The following CDH13 variants were observed in gnomAD, a reference collection of about 807,000 sequenced individuals.
The protein encoded by CDH13 is cadherin 13, also known as cadherin-13.
A neutral mutation model predicts 63.8 loss-of-function variants in CDH13; 24 were observed. That is an observed-to-expected ratio of 0.38 (90% CI 0.27 to 0.53). The LOEUF (loss-of-function observed/expected upper bound fraction) is 0.53. Ranked by LOEUF, CDH13 falls within the 20% of genes least tolerant of loss-of-function variation. The pLI is 0.85. For synonymous variants in CDH13, 503 were observed against 355.3 expected, an observed-to-expected ratio of 1.42 and a Z score of -4.67; for missense variants, 1,049 against 903.1, an observed-to-expected ratio of 1.16 and a Z score of -2.07.
chr16:83,781,423 C>A (rs2151009569), intron 12 of CDH13, among the ~76,000 whole-genome samples: 1 of 152,292 alleles, frequency 6.6e-6, no homozygotes, highest in Non-Finnish European at 1.5e-5. Flanking sequence ...AGTGGTAGAA[C>A]TTTTGAGGGA....
At chr16:83,318,521 C>G (rs1211174747) in intron 5 of CDH13, among the ~76,000 whole-genome samples, 1 of 152,200 alleles carries the variant, frequency 6.6e-6, no homozygotes, top group African/African-American at 2.4e-5. Context: ...AAACCTGATT[C>G]TGTCTGCTAC....
intron 4 of CDH13, among the ~76,000 whole-genome samples, chr16:83,152,888 C>T (rs574830724): frequency 7.9e-5 from 12 of 152,152 alleles, no homozygotes; most frequent in South Asian, 4.2e-4. Flanking sequence ...AGGAAAAATA[C>T]GGACATAGAC....
chr16:83,718,213 C>T (rs77079294), intron 10 of CDH13, among the ~76,000 whole-genome samples: 3 of 152,124 alleles, frequency 2.0e-5, no homozygotes, highest in Non-Finnish European at 4.4e-5. Context: ...CACCACTATG[C>T]GTACAGGAGC....
chr16:82,815,291 G>A (rs1032115059), intron 1 of CDH13, among the ~76,000 whole-genome samples: 1 of 152,106 alleles, frequency 6.6e-6, no homozygotes, highest in African/African-American at 2.4e-5. Flanking sequence ...CTCCACCCAT[G>A]ACTAGTCACA....
intron 7 of CDH13, among the ~76,000 whole-genome samples, chr16:83,533,133 C>G (rs528242172): frequency 6.6e-6 from 1 of 152,336 alleles, no homozygotes; most frequent in East Asian, 1.9e-4. Context: ...GAGCGAGATG[C>G]TAACTCTGTC....
intron 1 of CDH13, among the ~76,000 whole-genome samples, chr16:82,677,576 G>A (rs1914077518): frequency 6.7e-6 from 1 of 149,710 alleles, no homozygotes; most frequent in South Asian, 2.1e-4. Context: ...GATAGGATTA[G>A]GTTCTTTCAA....
intron 5 of CDH13, among the ~76,000 whole-genome samples, chr16:83,249,867 G>A (rs1403226245): frequency 1.3e-5 from 2 of 152,174 alleles, no homozygotes; most frequent in Non-Finnish European, 2.9e-5. Context: ...CCAGTTTTCT[G>A]TTTGGATGAT....
At position 83,486,635 on chromosome 16, in the gene CDH13, C is replaced by A. The variant is rs769902443; in HGVS notation, c.940C>A (p.Pro314Thr). The part of the protein sequence containing the change: ...EKGDIVTVVS[P>T]ALLDRETLEN... ...AGGAGACATTGTCACTGTTGTGTCA[C>A]CTGCGCTGCTGGACCGAGAGGTGAG... is the stretch of plus-strand genomic sequence containing the variant. The change falls in exon 7 of 14, where the codon CCT (proline) becomes ACT (threonine). Residue 314 changes from proline (P) to threonine (T), a missense_variant. Transcript: ENST00000567109. The A allele has an allele frequency of 2.5e-6, 4 of 1,613,842 alleles. No individual in the cohort carries two copies. Among genetic ancestry groups the A allele is most frequent in the Non-Finnish European group, 3.4e-6 (4 of 1,179,786 alleles).
intron 1 of CDH13, among the ~76,000 whole-genome samples, chr16:82,790,524 AC>A (rs2036248665): frequency 6.6e-6 from 1 of 152,212 alleles, no homozygotes; most frequent in Non-Finnish European, 1.5e-5. Flanking sequence ...TAATAGACAT[AC>A]AAAAAAATTA....
At chr16:82,684,931 G>A (rs542852080) in intron 1 of CDH13, among the ~76,000 whole-genome samples, 10 of 151,092 alleles carry the variant, frequency 6.6e-5, no homozygotes, top group Admixed American at 2.6e-4. Flanking sequence ...TTAAGTAGTC[G>A]CTTGAAAATG....
chr16:83,015,421 A>G (rs1243896129), intron 2 of CDH13, among the ~76,000 whole-genome samples: 4 of 151,590 alleles, frequency 2.6e-5, no homozygotes, highest in Non-Finnish European at 5.9e-5. Flanking sequence ...AAAAAGAGAA[A>G]AAAAAAAGTG....
intron 4 of CDH13, among the ~76,000 whole-genome samples, chr16:83,190,564 C>T (rs1379677076): frequency 1.3e-5 from 2 of 152,158 alleles, no homozygotes; most frequent in Non-Finnish European, 2.9e-5. Flanking sequence ...ATGAATAACA[C>T]ATTGACTCTG....
intron 3 of CDH13, among the ~76,000 whole-genome samples, chr16:83,084,693 G>A (rs1351622071): frequency 2.6e-5 from 4 of 151,932 alleles, no homozygotes; most frequent in South Asian, 2.1e-4. Context: ...GTTTGAGACC[G>A]GCCTGGCCAA....
chr16:83,168,866 A>G (rs2037802712), intron 4 of CDH13, among the ~76,000 whole-genome samples: 1 of 152,126 alleles, frequency 6.6e-6, no homozygotes, highest in African/African-American at 2.4e-5. Context: ...TAATGTCCAC[A>G]TAAGAAAACA....
intron 2 of CDH13, among the ~76,000 whole-genome samples, chr16:82,863,201 G>T (rs1430986392): frequency 6.6e-6 from 1 of 152,174 alleles, no homozygotes; most frequent in Admixed American, 6.5e-5. Context: ...CTGTCTTGGA[G>T]TAACCAAGGC....
chr16:82,837,644 A>G (rs1393028855), intron 1 of CDH13, among the ~76,000 whole-genome samples: 1 of 152,176 alleles, frequency 6.6e-6, no homozygotes, highest in Non-Finnish European at 1.5e-5. Flanking sequence ...AACTCCCCCA[A>G]GCAACATATG....
At chr16:83,522,523 A>G (rs887808925) in intron 7 of CDH13, among the ~76,000 whole-genome samples, 1 of 152,220 alleles carries the variant, frequency 6.6e-6, no homozygotes, top group Non-Finnish European at 1.5e-5. Flanking sequence ...ATTTTTAAAA[A>G]TGTAACCATT....
At chr16:82,789,331 C>T (rs1263865509) in intron 1 of CDH13, among the ~76,000 whole-genome samples, 1 of 152,152 alleles carries the variant, frequency 6.6e-6, no homozygotes, top group Admixed American at 6.5e-5. Flanking sequence ...ATTGTGAACT[C>T]ATGAAGGGAG....
At position 83,647,874 on chromosome 16, in the gene CDH13, C is replaced by T. The variant is rs910209971; in HGVS notation, c.1102-22916C>T. Reference sequence around the variant, plus strand: ...TCCAGAAAGTTGATAGCCACGATCCCCATTATGATCCCTGTTAAAATCCCC... The same window carrying T: ...TCCAGAAAGTTGATAGCCACGATCCTCATTATGATCCCTGTTAAAATCCCC... On this transcript the variant is annotated intron_variant, in intron 8 of 13. Transcript: ENST00000567109. Among the ~76,000 whole-genome samples the T allele has an allele frequency of 1.2e-4, 19 of 152,088 alleles. 1 individual carries two copies. Among genetic ancestry groups the T allele is most frequent in the Non-Finnish European group, 1.3e-4 (9 of 68,002 alleles).
Sources: gnomAD v4.1 joint callset for allele counts (sites outside exome capture counted in the v4.1 genomes callset) on GRCh38, gnomAD v4.1.1 for gene constraint, MANE v1.5 for transcripts, NCBI Gene and HGNC (gene_info 2026-07-23, HGNC 2026-07-21) for gene names.